The following BSND variants were observed in gnomAD, a reference collection of about 807,000 sequenced individuals.
BSND encodes the protein barttin.
BSND carries 13 observed loss-of-function variants against 18.8 expected under a neutral mutation model. That is an observed-to-expected ratio of 0.69 (90% CI 0.45 to 1.10). The LOEUF is 1.10. BSND is among the 50% of genes least tolerant of loss of function. The pLI is 0.00. For missense variants in BSND, 379 were observed against 416.7 expected (o/e 0.91, Z 0.79); for synonymous variants, 170 against 161.8 (o/e 1.05, Z -0.39).
chr1:55,014,349 G>A lies in BSND; in HGVS notation c.*5721G>A, dbSNP rs976379587. Among the ~76,000 whole-genome samples the A allele has an allele frequency of 1.8e-4, 27 of 152,356 alleles. No homozygotes were observed. The highest frequency in any genetic ancestry group is 6.3e-4 in the African/African-American group (26 of 41,590). Reference sequence around the variant, plus strand: ...GCCAGCTCTGTGACTTTGGCCAGGAGACTTAGCCTCTCTGGCCCTCAATTT... The same window carrying A: ...GCCAGCTCTGTGACTTTGGCCAGGAAACTTAGCCTCTCTGGCCCTCAATTT... On this transcript the variant is annotated 3_prime_UTR_variant, in exon 4 of 4. Transcript: ENST00000651561.
At position 55,015,103 on chromosome 1, in the gene BSND, G is replaced by A. The variant is rs1644443202; in HGVS notation, c.*6475G>A. ...GATTAATTGATGATTCTTGAGCAGA[G>A]GAGTGACATGAAAGAAACATTCAGG... On this transcript the variant is annotated 3_prime_UTR_variant, in exon 4 of 4. Transcript: ENST00000651561. Among the ~76,000 whole-genome samples, 1 of 152,220 alleles carries A rather than the reference G, an allele frequency of 6.6e-6. No individual in the cohort carries two copies. The highest frequency in any genetic ancestry group is 1.5e-5 in the Non-Finnish European group (1 of 68,046).
chr1:55,008,204 G>A lies in BSND; in HGVS notation c.549-10G>A. The A allele has an allele frequency of 1.2e-6, 2 of 1,613,262 alleles. No homozygotes were observed. Among genetic ancestry groups the A allele is most frequent in the Non-Finnish European group, 1.7e-6 (2 of 1,179,328 alleles). On this transcript the variant is annotated splice_polypyrimidine_tract_variant and intron_variant, in intron 3 of 3. Coordinates refer to ENST00000651561, the MANE Select transcript of BSND (RefSeq NM_057176.3). ...AGATACCCTTGCCCTTGTGGTCTTTGTCCCTGCAGCCCCCTGGCCTGTCCC... is the reference window on the plus strand; with the variant it reads ...AGATACCCTTGCCCTTGTGGTCTTTATCCCTGCAGCCCCCTGGCCTGTCCC...
chr1:55,009,282 C>T lies in BSND; in HGVS notation c.*654C>T, dbSNP rs1644409664. 6.4e-6 allele frequency: 1 copy of T among 156,410 alleles called. No homozygotes were observed. Among genetic ancestry groups the T allele is most frequent in the Admixed American group, 6.2e-5 (1 of 16,110 alleles). The allele number at this position is 156,410 out of a possible 1,614,324, so 9.7% of individuals were successfully genotyped here. A position where few individuals can be genotyped will look rare whatever the true frequency, so the allele number is the denominator to read the frequency against. ...GCAAATTCGTGCTCACCCTTCAAACCCCTACACAGATGACCTCCCTTGGAA... is the reference window on the plus strand; with the variant it reads ...GCAAATTCGTGCTCACCCTTCAAACTCCTACACAGATGACCTCCCTTGGAA... On this transcript the variant is annotated 3_prime_UTR_variant, in exon 4 of 4. Coordinates refer to ENST00000651561, the MANE Select transcript of BSND (RefSeq NM_057176.3).
chr1:55,000,293 G>A (rs969999709), intron 1 of BSND, among the ~76,000 whole-genome samples: 1 of 152,196 alleles, frequency 6.6e-6, no homozygotes, highest in Non-Finnish European at 1.5e-5. Flanking sequence ...GAGGCTGGGT[G>A]ACTTCCAAGG....
Position 55,008,339 on chromosome 1 carries a change from A to T in BSND, c.674A>T (p.Gln225Leu), listed in dbSNP as rs776628376. 6.2e-7 allele frequency: 1 copy of T among 1,614,196 alleles called. No homozygotes were observed. The highest frequency in any genetic ancestry group is 2.2e-5 in the East Asian group (1 of 44,884). ...PHDREEACSPQQEPQGCRCPL... is the reference protein window; with the variant it reads ...PHDREEACSPLQEPQGCRCPL... ...GACAGGGAGGAAGCTTGTTCCCCAC[A>T]ACAGGAACCTCAGGGCTGCAGGTGC... Residue 225 changes from glutamine (Q) to leucine (L), a missense_variant, in exon 4 of 4, where the codon CAA becomes CTA. Physicochemically the swap from Gln to Leu is moderately radical, Grantham distance 113. Coordinates refer to ENST00000651561, the MANE Select transcript of BSND (RefSeq NM_057176.3).
At chr1:55,008,114 T>A in intron 3 of BSND, 100 bp from the exon 4 acceptor site, 1 of 969,836 alleles carries the variant, frequency 1.0e-6, no homozygotes, top group East Asian at 2.6e-5. Flanking sequence ...CCCGGGAAGG[T>A]GGATTATCCT....
In BSND at chr1:55,012,981, G is replaced by A. The variant is rs531597699; in HGVS notation, c.*4353G>A. ...AATTTTTCCATCTGCCCTGAGAGAT[G>A]GGTATTACCAGGGGAGAAACTGATA... is the stretch of plus-strand genomic sequence containing the variant. On this transcript the variant is annotated 3_prime_UTR_variant, in exon 4 of 4. Coordinates refer to ENST00000651561, the MANE Select transcript of BSND (RefSeq NM_057176.3). Among the ~76,000 whole-genome samples the A allele has an allele frequency of 2.1e-4, 32 of 152,256 alleles. No individual in the cohort carries two copies. The East Asian group carries it at 3.9e-3, about 18-fold the overall frequency.
In BSND at chr1:55,010,669, G is replaced by C. The variant is rs1208638935; in HGVS notation, c.*2041G>C. 6.6e-6 allele frequency: 1 copy of C among 152,222 alleles called. No homozygotes were observed. Among genetic ancestry groups the C allele is most frequent in the Non-Finnish European group, 1.5e-5 (1 of 68,118 alleles). 9.4% of individuals were successfully genotyped at this position (152,222 alleles called of 1,614,324 possible). A position where few individuals can be genotyped will look rare whatever the true frequency, so the allele number is the denominator to read the frequency against. On this transcript the variant is annotated 3_prime_UTR_variant, in exon 4 of 4. Coordinates refer to ENST00000651561, the MANE Select transcript of BSND (RefSeq NM_057176.3). ...GGGAACACACTTCCTTTTCTTTCTGGGTCATTTCTGCCTCTGCAGTGAAGG... is the reference window on the plus strand; with the variant it reads ...GGGAACACACTTCCTTTTCTTTCTGCGTCATTTCTGCCTCTGCAGTGAAGG...
rs541857437 is a variant in BSND at position 55,014,379 on chromosome 1, A to G, written c.*5751A>G. On this transcript the variant is annotated 3_prime_UTR_variant, in exon 4 of 4. Coordinates refer to ENST00000651561, the MANE Select transcript of BSND (RefSeq NM_057176.3). ...AGCCTCTCTGGCCCTCAATTTCCTT[A>G]TTAATAAATTGAGGTTAGTGATATC... is the stretch of plus-strand genomic sequence containing the variant. Among the ~76,000 whole-genome samples, 25 of 152,318 alleles carry G rather than the reference A, an allele frequency of 1.6e-4. No homozygotes were observed. In the South Asian group the frequency reaches 4.4e-3, roughly 27 times the overall value.
intron 1 of BSND, among the ~76,000 whole-genome samples, chr1:55,003,816 C>G (rs557896508): frequency 6.6e-6 from 1 of 151,700 alleles, no homozygotes; most frequent in Non-Finnish European, 1.5e-5. Context: ...ACAGCAACCT[C>G]AGGAGACTGG....
At chr1:55,007,825 T>C (rs1245851434) in intron 3 of BSND, among the ~76,000 whole-genome samples, 1 of 152,168 alleles carries the variant, frequency 6.6e-6, no homozygotes, top group African/African-American at 2.4e-5. Flanking sequence ...TGCCCAGCCT[T>C]CACTGGAATC....
chr1:55,008,573 C>T lies in BSND; in HGVS notation c.908C>T (p.Ala303Val), dbSNP rs1644404218. The change falls in exon 4 of 4, where the codon GCC (alanine) becomes GTC (valine). Residue 303 changes from alanine to valine, a missense_variant. Physicochemically the swap from Ala to Val is moderately conservative, Grantham distance 64. Coordinates refer to ENST00000651561, the MANE Select transcript of BSND (RefSeq NM_057176.3). ...EDLYYGLPDG[A>V]GDLLPDKELG... ...CTGTACTATGGGCTGCCAGATGGAG[C>T]CGGGGACCTCCTCCCGGACAAGGAG... 1 of 1,614,144 alleles carries T rather than the reference C, an allele frequency of 6.2e-7. No individual in the cohort carries two copies.
chr1:55,010,795 T>C lies in BSND; in HGVS notation c.*2167T>C, dbSNP rs1570276100. ...GGTGAGGGGTAGCATGCTCCTGTGC[T>C]CTGTTGCCTAAGGCAGGGCAGCCTA... On this transcript the variant is annotated 3_prime_UTR_variant, in exon 4 of 4. Transcript: ENST00000651561. 2.0e-5 allele frequency: 3 copies of C among 152,362 alleles called. No individual in the cohort carries two copies. Among genetic ancestry groups the C allele is most frequent in the Admixed American group, 2.0e-4 (3 of 15,306 alleles). 9.4% of individuals were successfully genotyped at this position (152,362 alleles called of 1,614,324 possible).
intron 2 of BSND, among the ~76,000 whole-genome samples, chr1:55,005,613 G>A (rs1415490091): frequency 6.6e-6 from 1 of 152,214 alleles, no homozygotes; most frequent in African/African-American, 2.4e-5. Flanking sequence ...GGAGGGTTAA[G>A]TGAGATAATA....
At position 54,999,119 on chromosome 1, in the gene BSND, G is replaced by GT; in HGVS notation, c.-67dup. 6.3e-7 allele frequency: 1 copy of GT among 1,585,878 alleles called. No homozygotes were observed. The highest frequency in any genetic ancestry group is 8.6e-7 in the Non-Finnish European group (1 of 1,160,422). On this transcript the variant is annotated 5_prime_UTR_variant, in exon 1 of 4. Coordinates refer to ENST00000651561, the MANE Select transcript of BSND (RefSeq NM_057176.3). ...TCTCTCCCTGTGTAAGCCTGTCTCG[G>GT]TGTTTAGGCTGAACTACAGCCACCC...
Position 55,001,201 on chromosome 1 carries a change from C to CGTGTGTGT in BSND, c.177+1875_177+1882dup, listed in dbSNP as rs36051858. Among the ~76,000 whole-genome samples the CGTGTGTGT allele has an allele frequency of 2.7e-3, 371 of 137,002 alleles. 2 individuals carry two copies. Among genetic ancestry groups the CGTGTGTGT allele is most frequent in the African/African-American group, 8.0e-3 (294 of 36,902 alleles). The allele number at this position is 137,002 out of a possible 152,430, so 89.9% of individuals were successfully genotyped here. On this transcript the variant is annotated intron_variant, in intron 1 of 3. Transcript: ENST00000651561. ...GCTGATTGGGAGAACACAGTGGGAT[C>CGTGTGTGT]GTGTGTGTGTGTGTGTGTGTGTGTG...
chr1:55,005,204 G>T lies in BSND; in HGVS notation c.272+88G>T, dbSNP rs1054255418. 15 of 1,245,718 alleles carry T rather than the reference G, an allele frequency of 1.2e-5. No individual in the cohort carries two copies. In the East Asian group the frequency reaches 3.6e-4, roughly 30 times the overall value. The allele number at this position is 1,245,718 out of a possible 1,614,324, so 77.2% of individuals were successfully genotyped here. On this transcript the variant is annotated intron_variant, in intron 2 of 3. Coordinates refer to ENST00000651561, the MANE Select transcript of BSND (RefSeq NM_057176.3). Reference sequence around the variant, plus strand: ...AGGAGAGTGAGAGGGAGGGCAGGAAGGCTGTTTGCCTTCTCACTTACTGAG... The same window carrying T: ...AGGAGAGTGAGAGGGAGGGCAGGAATGCTGTTTGCCTTCTCACTTACTGAG...
chr1:55,002,345 T>C (rs1433294143), intron 1 of BSND, among the ~76,000 whole-genome samples: 1 of 152,146 alleles, frequency 6.6e-6, no homozygotes, highest in Non-Finnish European at 1.5e-5. Flanking sequence ...GCTGAGCCCA[T>C]TAGTGAAGAT....
At chr1:55,007,646 G>T (rs563167750) in intron 3 of BSND, among the ~76,000 whole-genome samples, 14 of 152,122 alleles carry the variant, frequency 9.2e-5, no homozygotes, top group Non-Finnish European at 1.9e-4. Flanking sequence ...GTAGCAGGGG[G>T]CCAGGAGCCA....
Sources: gnomAD v4.1 joint callset for allele counts (sites outside exome capture counted in the v4.1 genomes callset) on GRCh38, gnomAD v4.1.1 for gene constraint, MANE v1.5 for transcripts, NCBI Gene and HGNC (gene_info 2026-07-23, HGNC 2026-07-21) for gene names.